RAPGEF2: variants seen among roughly 807,000 people sequenced by gnomAD.
RAPGEF2 encodes PDZ domain containing guanine nucleotide exchange factor (GEF) 1.
In RAPGEF2, 54 loss-of-function variants were observed where a neutral mutation model predicts 186.7. The observed-to-expected ratio is 0.29, with a 90% CI of 0.23 to 0.36. The LOEUF is 0.36. Among genes scored for constraint, RAPGEF2 ranks in the 10% least tolerant of loss-of-function variants. RAPGEF2 has a pLI of 1.00. For synonymous variants in RAPGEF2, 712 were observed against 705.9 expected (o/e 1.01, Z -0.14); for missense variants, 1,532 against 2,045.0 (o/e 0.75, Z 4.84).
chr4:159,202,185 G>A (rs184928334), intron 3 of RAPGEF2, among the ~76,000 whole-genome samples: 17 of 152,168 alleles, frequency 1.1e-4, no homozygotes, highest in Admixed American at 1.0e-3. Flanking sequence ...CTGTTTTAAT[G>A]ACCTTGTTAA....
intron 7 of RAPGEF2, among the ~76,000 whole-genome samples, chr4:159,303,639 G>GA (rs1762942197): frequency 6.8e-6 from 1 of 147,364 alleles, no homozygotes; most frequent in African/African-American, 2.5e-5. Flanking sequence ...CAAATAAGCG[G>GA]TTTTTTTTTT....
At chr4:159,130,701 A>G (rs1740946167) in intron 1 of RAPGEF2, among the ~76,000 whole-genome samples, 1 of 152,136 alleles carries the variant, frequency 6.6e-6, no homozygotes, top group African/African-American at 2.4e-5. Flanking sequence ...AAAGTTATCT[A>G]TTATTGTTTT....
chr4:159,154,207 A>C (rs1348547696), intron 1 of RAPGEF2, among the ~76,000 whole-genome samples: 1 of 152,210 alleles, frequency 6.6e-6, no homozygotes, highest in Non-Finnish European at 1.5e-5. Flanking sequence ...AAAGGAAAGA[A>C]TTTTCTTAGC....
intron 1 of RAPGEF2, among the ~76,000 whole-genome samples, chr4:159,145,954 G>A (rs568009111): frequency 2.0e-5 from 3 of 152,176 alleles, no homozygotes; most frequent in African/African-American, 4.8e-5. Flanking sequence ...GGGAAAGGAA[G>A]CGTTGATAGG....
intron 9 of RAPGEF2, among the ~76,000 whole-genome samples, chr4:159,318,285 G>T (rs2111130842): frequency 6.6e-6 from 1 of 152,270 alleles, no homozygotes; most frequent in East Asian, 1.9e-4. Flanking sequence ...ATATGTGTGA[G>T]AACTGTTTAG....
intron 1 of RAPGEF2, among the ~76,000 whole-genome samples, chr4:159,172,320 A>G (rs974246162): frequency 1.5e-4 from 23 of 152,174 alleles, no homozygotes; most frequent in African/African-American, 5.6e-4. Flanking sequence ...CTGAGGCAAC[A>G]CACATTTTAA....
At chr4:159,175,707 G>A (rs897467039) in intron 1 of RAPGEF2, among the ~76,000 whole-genome samples, 1 of 152,192 alleles carries the variant, frequency 6.6e-6, no homozygotes, top group Non-Finnish European at 1.5e-5. Flanking sequence ...GGTTGGTCCA[G>A]TCTGCCACCT....
At chr4:159,302,394 A>T (rs897704372) in intron 7 of RAPGEF2, among the ~76,000 whole-genome samples, 1 of 152,252 alleles carries the variant, frequency 6.6e-6, no homozygotes, top group African/African-American at 2.4e-5. Flanking sequence ...TCTGTAAAAG[A>T]TAATCAATAG....
Position 159,207,789 on chromosome 4 carries a change from G to A in RAPGEF2, c.198-2711G>A, listed in dbSNP as rs1159104106. Among the ~76,000 whole-genome samples the A allele has an allele frequency of 2.6e-5, 4 of 152,174 alleles. No homozygotes were observed. In the East Asian group the frequency reaches 5.8e-4, roughly 22 times the overall value. On this transcript the variant is annotated intron_variant, in intron 3 of 29. Coordinates refer to ENST00000691494, the MANE Select transcript of RAPGEF2 (RefSeq NM_001394067.2). ...ATTTTTTTTCCCGCTTTCTGTTTTA[G>A]TGTTTCACCATTTGTTATTTAAAAA...
chr4:159,195,500 T>C (rs1015556326), intron 3 of RAPGEF2, among the ~76,000 whole-genome samples: 6 of 152,202 alleles, frequency 3.9e-5, no homozygotes, highest in African/African-American at 9.7e-5. Flanking sequence ...CATTTACTTA[T>C]TCTTCGTGGA....
intron 1 of RAPGEF2, among the ~76,000 whole-genome samples, chr4:159,162,642 G>A (rs1277643414): frequency 6.6e-6 from 1 of 152,058 alleles, no homozygotes; most frequent in Non-Finnish European, 1.5e-5. Context: ...CTCATTTAAT[G>A]AGGTACCAGG....
intron 7 of RAPGEF2, among the ~76,000 whole-genome samples, chr4:159,251,862 T>A (rs1163142572): frequency 6.6e-6 from 1 of 151,786 alleles, no homozygotes; most frequent in Non-Finnish European, 1.5e-5. Flanking sequence ...CGCCGCGATC[T>A]GCTTGGGTTC....
At chr4:159,111,923 A>G (rs1211453519) in intron 1 of RAPGEF2, among the ~76,000 whole-genome samples, 1 of 152,208 alleles carries the variant, frequency 6.6e-6, no homozygotes, top group Non-Finnish European at 1.5e-5. Context: ...CATCAGTGCA[A>G]TCAAGAAACA....
At chr4:159,311,924 G>C (rs1393660145) in intron 8 of RAPGEF2, among the ~76,000 whole-genome samples, 1 of 152,024 alleles carries the variant, frequency 6.6e-6, no homozygotes, top group Admixed American at 6.6e-5. Flanking sequence ...CTAAATTTTT[G>C]GTTTAGTAAA....
At position 159,354,018 on chromosome 4, in the gene RAPGEF2, G is replaced by A. The variant is rs1330741595; in HGVS notation, c.4623G>A (p.Val1541=). The A allele has an allele frequency of 1.9e-6, 3 of 1,602,386 alleles. No homozygotes were observed. The highest frequency in any genetic ancestry group is 2.6e-6 in the Non-Finnish European group (3 of 1,175,796). Residue 1541 remains valine (V), a synonymous_variant, in exon 28 of 30, where the codon GTG becomes GTA. Transcript: ENST00000691494. ...KPVPMPAHIA[V]ASSTTKGLIA... ...TCCCCATGCCTGCCCACATAGCTGTGGCATCAAGTACTACAAAGGGGCTCA... is the reference window on the plus strand; with the variant it reads ...TCCCCATGCCTGCCCACATAGCTGTAGCATCAAGTACTACAAAGGGGCTCA...
At chr4:159,104,475 C>G (rs1246579269) in intron 1 of RAPGEF2, among the ~76,000 whole-genome samples, 3 of 144,126 alleles carry the variant, frequency 2.1e-5, no homozygotes, top group Non-Finnish European at 4.5e-5. Flanking sequence ...ACCTTTCCCA[C>G]TATGTTGCCC....
At chr4:159,252,342 A>G (rs1755557566) in intron 7 of RAPGEF2, among the ~76,000 whole-genome samples, 1 of 152,180 alleles carries the variant, frequency 6.6e-6, no homozygotes, top group East Asian at 1.9e-4. Context: ...CTGGCCCTGT[A>G]TTTCTTTATA....
intron 1 of RAPGEF2, among the ~76,000 whole-genome samples, chr4:159,178,519 C>A (rs888932520): frequency 4.7e-5 from 7 of 149,526 alleles, no homozygotes; most frequent in Non-Finnish European, 8.9e-5. Flanking sequence ...GGTACTCTCC[C>A]TCTGACTTCT....
At chr4:159,220,281 T>C (rs575053798) in intron 4 of RAPGEF2, among the ~76,000 whole-genome samples, 1 of 150,028 alleles carries the variant, frequency 6.7e-6, no homozygotes, top group African/African-American at 2.5e-5. Context: ...TGTGTGTTGA[T>C]GGAAATGATC....
Sources: allele counts gnomAD v4.1 joint callset (sites outside exome capture counted in the v4.1 genomes callset), GRCh38; gene constraint gnomAD v4.1.1; transcripts MANE v1.5; gene names NCBI Gene and HGNC (gene_info 2026-07-23, HGNC 2026-07-21).